DMD: variants seen among roughly 807,000 people sequenced by gnomAD.
DMD encodes the protein dystrophin, also known as mutant dystrophin.
A neutral mutation model predicts 330.1 loss-of-function variants in DMD; 63 were observed. That is an observed-to-expected ratio of 0.19 (90% CI 0.16 to 0.24). The LOEUF is 0.24. Among genes scored for constraint, DMD ranks in the 10% least tolerant of loss-of-function variants. The pLI is 1.00. For synonymous variants in DMD, 1,223 were observed against 959.8 expected, an observed-to-expected ratio of 1.27 and a Z score of -5.07; for missense variants, 3,344 against 2,684.1, an observed-to-expected ratio of 1.25 and a Z score of -5.43.
intron 62 of DMD, among the ~76,000 whole-genome samples, chrX:31,284,608 T>TTCTTCTTC (rs1331247957): frequency 2.0e-3 from 56 of 28,072 alleles, no homozygotes; most frequent in African/African-American, 4.6e-3. Context: ...TCTTCTTCTT[T>TTCTTCTTC]TTTTTGGCAG....
At chrX:31,993,142 G>T (rs781476751) in intron 44 of DMD, among the ~76,000 whole-genome samples, 6 of 111,224 alleles carry the variant, frequency 5.4e-5, no homozygotes, top group African/African-American at 2.0e-4. Flanking sequence ...ATTTAATATG[G>T]TACAGGTTGG....
intron 61 of DMD, among the ~76,000 whole-genome samples, chrX:31,341,891 G>GCGCACACACACA (rs374298104): frequency 4.2e-4 from 42 of 98,893 alleles, no homozygotes; most frequent in South Asian, 1.0e-3. Flanking sequence ...GTGCGCGCGC[G>GCGCACACACACA]CACACACACA....
At chrX:32,988,534 G>A (rs1485536228) in intron 2 of DMD, among the ~76,000 whole-genome samples, 1 of 112,365 alleles carries the variant, frequency 8.9e-6, no homozygotes, top group Non-Finnish European at 1.9e-5. Context: ...TGTCAGGCCA[G>A]CCACATTGCT....
At chrX:33,062,901 C>T (rs1217600722) in intron 1 of DMD, among the ~76,000 whole-genome samples, 5 of 112,247 alleles carry the variant, frequency 4.5e-5, no homozygotes, top group African/African-American at 1.6e-4. Flanking sequence ...TATGACATAT[C>T]TCTACTAACA....
chrX:32,578,296 C>T (rs757720333), intron 13 of DMD, among the ~76,000 whole-genome samples: 7 of 112,026 alleles, frequency 6.2e-5, no homozygotes, highest in Non-Finnish European at 1.3e-4. Flanking sequence ...TTTTATAGAG[C>T]TAAACATTCT....
At chrX:32,336,429 C>G (rs1028485101) in intron 41 of DMD, among the ~76,000 whole-genome samples, 5 of 111,850 alleles carry the variant, frequency 4.5e-5, no homozygotes, top group African/African-American at 1.6e-4. Context: ...TTAATTTTGT[C>G]AAAATATCCC....
chrX:31,680,026 T>C (rs936174859), intron 52 of DMD, among the ~76,000 whole-genome samples: 6 of 112,395 alleles, frequency 5.3e-5, no homozygotes, highest in African/African-American at 1.6e-4. Flanking sequence ...ACCAGGCAAC[T>C]GATGCCTCCC....
chrX:31,347,179 T>C (rs2058144997), intron 61 of DMD, among the ~76,000 whole-genome samples: 1 of 110,491 alleles, frequency 9.1e-6, no homozygotes, highest in Admixed American at 9.7e-5. Flanking sequence ...GAATGCATAA[T>C]GATCAAGTCA....
chrX:31,793,936 C>T, intron 50 of DMD, among the ~76,000 whole-genome samples: 1 of 111,586 alleles, frequency 9.0e-6, no homozygotes, highest in Non-Finnish European at 1.9e-5. Context: ...GAAATCAGCA[C>T]TTGCCCTTGT....
At chrX:33,237,242 CTTTCTCTCTTTTTTTTTT>C (rs2148886932) in intron 1 of DMD, among the ~76,000 whole-genome samples, 1 of 68,246 alleles carries the variant, frequency 1.5e-5, no homozygotes, top group Non-Finnish European at 2.6e-5. Flanking sequence ...CTTTCTTTTT[CTTTCTCTCTTTTTTTTTT>C]GAAATGGAGT....
Position 31,805,548 on chromosome X carries a change from A to G in DMD, c.7309+14427T>C, listed in dbSNP as rs140705921. Reference sequence around the variant, plus strand: ...AGACCTAGTTATCCCCTTTCTTTGTATTTTTTGATGCTGAGATAGGAAAAC... The same window carrying G: ...AGACCTAGTTATCCCCTTTCTTTGTGTTTTTTGATGCTGAGATAGGAAAAC... On this transcript the variant is annotated intron_variant, in intron 50 of 78. Transcript: ENST00000357033. Among the ~76,000 whole-genome samples, 34 of 111,855 alleles carry G rather than the reference A, an allele frequency of 3.0e-4. No homozygotes were observed. In the East Asian group the frequency reaches 9.0e-3, roughly 30 times the overall value.
At chrX:31,307,341 C>T (rs1052144623) in intron 62 of DMD, among the ~76,000 whole-genome samples, 3 of 112,086 alleles carry the variant, frequency 2.7e-5, no homozygotes, top group East Asian at 2.8e-4. Context: ...TCCACCTCAA[C>T]ATTGAACTGC....
chrX:31,650,609 T>C (rs2080395864), intron 54 of DMD, among the ~76,000 whole-genome samples: 1 of 112,108 alleles, frequency 8.9e-6, no homozygotes, highest in Non-Finnish European at 1.9e-5. Context: ...ACGGTATTTG[T>C]AGATACAGCA....
At chrX:31,742,171 C>T (rs1765095554) in intron 51 of DMD, among the ~76,000 whole-genome samples, 1 of 112,093 alleles carries the variant, frequency 8.9e-6, no homozygotes, top group Admixed American at 9.5e-5. Context: ...ATCCTCTATC[C>T]AGACCACTAA....
intron 2 of DMD, among the ~76,000 whole-genome samples, chrX:32,983,917 C>T (rs1395577144): frequency 9.0e-6 from 1 of 111,209 alleles, no homozygotes; most frequent in Admixed American, 9.6e-5. Flanking sequence ...TTAAAAAATG[C>T]TACATGATAT....
intron 50 of DMD, among the ~76,000 whole-genome samples, chrX:31,800,862 C>T (rs1172067168): frequency 9.0e-6 from 1 of 111,613 alleles, no homozygotes; most frequent in East Asian, 2.8e-4. Flanking sequence ...TCCTAATCTC[C>T]ATCTGAGACC....
intron 1 of DMD, among the ~76,000 whole-genome samples, chrX:33,023,997 A>C: frequency 9.0e-6 from 1 of 111,616 alleles, no homozygotes; most frequent in Non-Finnish European, 1.9e-5. Context: ...ATTTACTTGA[A>C]TTGATATATT....
chrX:31,572,263 T>C (rs985130473), intron 55 of DMD, among the ~76,000 whole-genome samples: 2 of 112,639 alleles, frequency 1.8e-5, no homozygotes, highest in African/African-American at 6.5e-5. Context: ...TTTAGTATAG[T>C]AGAATCGTGC....
chrX:33,126,964 G>A (rs1049793264), intron 1 of DMD, among the ~76,000 whole-genome samples: 2 of 111,611 alleles, frequency 1.8e-5, no homozygotes, highest in African/African-American at 6.5e-5. Context: ...AAAGAGATTA[G>A]TAAAACAGCA....
Sources: gnomAD v4.1 joint callset for allele counts (sites outside exome capture counted in the v4.1 genomes callset) on GRCh38, gnomAD v4.1.1 for gene constraint, MANE v1.5 for transcripts, NCBI Gene and HGNC (gene_info 2026-07-23, HGNC 2026-07-21) for gene names.